The following ASH1L variants were observed in gnomAD, a reference collection of about 807,000 sequenced individuals.
ASH1L encodes the protein histone-lysine N-methyltransferase ASH1L.
ASH1L carries 23 observed loss-of-function variants against 269.0 expected under a neutral mutation model. That is an observed-to-expected ratio of 0.09 (90% confidence interval 0.06 to 0.12). The LOEUF (loss-of-function observed/expected upper bound fraction) is 0.12, where lower values mean the gene tolerates loss of function less well. ASH1L is among the 10% of genes least tolerant of loss of function. The pLI, the probability that ASH1L is intolerant of heterozygous loss-of-function variation, is 1.00. For synonymous variants in ASH1L, 1,187 were observed against 1,253.5 expected (o/e 0.95, Z 1.12); for missense variants, 2,912 against 3,567.8 (o/e 0.82, Z 4.68).
intron 4 of ASH1L, among the ~76,000 whole-genome samples, chr1:155,446,745 C>A (rs2148644049): frequency 6.6e-6 from 1 of 152,002 alleles, no homozygotes; most frequent in East Asian, 1.9e-4. Context: ...CCTCAGCCTC[C>A]CCAGCAGCTG....
chr1:155,420,620 G>A (rs1660598018), intron 5 of ASH1L, among the ~76,000 whole-genome samples: 1 of 151,422 alleles, frequency 6.6e-6, no homozygotes, highest in Admixed American at 6.6e-5. Flanking sequence ...GGAGGCCGAA[G>A]TAGGTGGATC....
At chr1:155,375,791 T>A (rs1267725042) in intron 10 of ASH1L, among the ~76,000 whole-genome samples, 1 of 131,450 alleles carries the variant, frequency 7.6e-6, no homozygotes, top group Non-Finnish European at 1.6e-5. Context: ...AGAATGAAAC[T>A]TCGTCTCAAA....
intron 15 of ASH1L, among the ~76,000 whole-genome samples, chr1:155,356,642 C>CAAAAAAAAAAAAAAAACAAAAAA (rs1654415172): frequency 1.5e-5 from 1 of 67,568 alleles, no homozygotes; most frequent in Non-Finnish European, 3.2e-5. Flanking sequence ...GACTCCGTCT[C>CAAAAAAAAAAAAAAAACAAAAAA]AAAAAAAAAA....
intron 17 of ASH1L, among the ~76,000 whole-genome samples, chr1:155,351,883 A>T (rs996283718): frequency 5.0e-4 from 76 of 151,798 alleles, no homozygotes; most frequent in East Asian, 3.3e-3. Flanking sequence ...ATAAATAAAT[A>T]AATAAATTAA....
chr1:155,441,751 C>T (rs1353365220), intron 4 of ASH1L, among the ~76,000 whole-genome samples: 1 of 150,496 alleles, frequency 6.6e-6, no homozygotes, highest in Non-Finnish European at 1.5e-5. Flanking sequence ...CAGGTGTGAG[C>T]CACTGCGCCT....
At chr1:155,434,136 A>C (rs1229253812) in intron 5 of ASH1L, 1 of 1,594,484 alleles carries the variant, frequency 6.3e-7, no homozygotes, top group Non-Finnish European at 8.5e-7. Context: ...CCAGGGCCCC[A>C]TTTTGGTACC....
At chr1:155,468,429 A>G (rs1180170406) in intron 3 of ASH1L, among the ~76,000 whole-genome samples, 2 of 152,078 alleles carry the variant, frequency 1.3e-5, no homozygotes, top group Non-Finnish European at 2.9e-5. Flanking sequence ...AGAAGAGGTA[A>G]ATTAAGTTCC....
At chr1:155,514,850 A>T (rs536413438) in intron 2 of ASH1L, among the ~76,000 whole-genome samples, 25 of 152,198 alleles carry the variant, frequency 1.6e-4, no homozygotes, top group African/African-American at 2.6e-4. Flanking sequence ...GTTGCCGAGG[A>T]ACTCGGCAAC....
intron 21 of ASH1L, among the ~76,000 whole-genome samples, chr1:155,345,492 CT>C (rs977434451): frequency 3.3e-5 from 5 of 149,714 alleles, no homozygotes; most frequent in African/African-American, 4.9e-5. Context: ...CGAGGATGGT[CT>C]TTATCTCTTG....
intron 6 of ASH1L, among the ~76,000 whole-genome samples, chr1:155,405,419 T>C (rs1659196434): frequency 6.6e-6 from 1 of 151,914 alleles, no homozygotes; most frequent in South Asian, 2.1e-4. Context: ...GAGGGGGAAG[T>C]TGCAGTGAGC....
chr1:155,419,357 A>C (rs1456860483), intron 5 of ASH1L: 1 of 151,882 alleles, frequency 6.6e-6, no homozygotes, highest in Non-Finnish European at 1.5e-5. Flanking sequence ...ATCAAAATAG[A>C]AATCAAAATA....
chr1:155,402,358 A>G (rs1658927938), intron 6 of ASH1L, among the ~76,000 whole-genome samples: 1 of 152,130 alleles, frequency 6.6e-6, no homozygotes, highest in Admixed American at 6.6e-5. Flanking sequence ...AGACCATTTT[A>G]CTGCACAACT....
At chr1:155,342,459 G>A (rs1570942077) in intron 24 of ASH1L, among the ~76,000 whole-genome samples, 4 of 152,176 alleles carry the variant, frequency 2.6e-5, no homozygotes, top group Admixed American at 6.5e-5. Flanking sequence ...ATTTGTACAT[G>A]AACACTTTTT....
intron 7 of ASH1L, 121 bp downstream of exon 7, chr1:155,395,338 A>G (rs1384372233): frequency 1.4e-6 from 1 of 710,266 alleles, no homozygotes; most frequent in African/African-American, 1.9e-5. Context: ...GTAAAATGGT[A>G]AAGAAAGAGC....
At chr1:155,435,403 G>C (rs1300693532) in intron 5 of ASH1L, among the ~76,000 whole-genome samples, 4 of 152,120 alleles carry the variant, frequency 2.6e-5, no homozygotes, top group African/African-American at 4.8e-5. Flanking sequence ...TGTATGTTCT[G>C]ATGACAAGCT....
rs762286819 is a variant in ASH1L at position 155,344,396 on chromosome 1, C to T, written c.7891-123G>A. 1.1e-4 allele frequency: 75 copies of T among 700,078 alleles called. No homozygotes were observed. The highest frequency in any genetic ancestry group is 1.7e-4 in the Non-Finnish European group (73 of 425,508). 43.4% of individuals were successfully genotyped at this position (700,078 alleles called of 1,614,324 possible). ...GTCATTTCAATATACCACAGATATA[C>T]AAAAAAGATGAAAGCAACTAGAGCT... On this transcript the variant is annotated intron_variant, in intron 21 of 27. Coordinates refer to ENST00000392403, the MANE Select transcript of ASH1L (RefSeq NM_018489.3).
At chr1:155,533,106 T>C (rs1418233141) in intron 1 of ASH1L, among the ~76,000 whole-genome samples, 1 of 151,704 alleles carries the variant, frequency 6.6e-6, no homozygotes, top group African/African-American at 2.4e-5. Context: ...AGAAAGGGAA[T>C]AGCCATGCTT....
At chr1:155,440,151 A>T (rs544653153) in intron 4 of ASH1L, among the ~76,000 whole-genome samples, 1 of 152,068 alleles carries the variant, frequency 6.6e-6, no homozygotes, top group South Asian at 2.1e-4. Flanking sequence ...CTCAACAAAA[A>T]ATAAAAATTA....
intron 7 of ASH1L, among the ~76,000 whole-genome samples, chr1:155,391,238 A>G (rs1340567765): frequency 6.6e-6 from 1 of 152,106 alleles, no homozygotes; most frequent in African/African-American, 2.4e-5. Context: ...GAACCATCAC[A>G]CCTGGCTGAC....
Sources: gnomAD v4.1 joint callset for allele counts (sites outside exome capture counted in the v4.1 genomes callset) on GRCh38, gnomAD v4.1.1 for gene constraint, MANE v1.5 for transcripts, NCBI Gene and HGNC (gene_info 2026-07-23, HGNC 2026-07-21) for gene names.